ESR1: variants seen among roughly 807,000 people sequenced by gnomAD.
ESR1 encodes estrogen receptor 1.
Under a neutral mutation model 52.7 loss-of-function variants are expected in ESR1, and 12 were observed. The observed-to-expected ratio is 0.23, with a 90% CI of 0.15 to 0.37. ESR1 has a LOEUF of 0.37. Ranked by LOEUF, ESR1 falls within the 10% of genes least tolerant of loss-of-function variation. The pLI is 1.00. For synonymous variants in ESR1, 305 were observed against 316.8 expected (o/e 0.96, Z 0.39); for missense variants, 584 against 779.7 (o/e 0.75, Z 2.99).
chr6:151,908,002 T>C (rs1797704218), intron 3 of ESR1, among the ~76,000 whole-genome samples: 1 of 152,194 alleles, frequency 6.6e-6, no homozygotes, highest in African/African-American at 2.4e-5. Flanking sequence ...AATAAATGAA[T>C]GAATATGTGA....
intron 2 of ESR1, among the ~76,000 whole-genome samples, chr6:151,850,401 AGAGAGAGAGGGAGGAGAGAGAGGGAG>A (rs1179307921): frequency 6.7e-6 from 1 of 148,328 alleles, no homozygotes; most frequent in South Asian, 2.2e-4. Flanking sequence ...GAGAGAGAGA[AGAGAGAGAGGGAGGAGAGAGAGGGAG>A]GAGAGAGAGG....
chr6:151,938,776 G>A (rs2034679045), intron 3 of ESR1, among the ~76,000 whole-genome samples: 1 of 152,098 alleles, frequency 6.6e-6, no homozygotes, highest in South Asian at 2.1e-4. Flanking sequence ...TTTATACTGA[G>A]CCTTTCTAAA....
At chr6:152,125,467 C>G in exon 7 of ESR1, 1 of 1,313,086 alleles carries the variant, frequency 7.6e-7, no homozygotes, top group Middle Eastern at 1.9e-4. Context: ...GTCTCTCTGG[C>G]CTTCAGTTTT....
intron 2 of ESR1, among the ~76,000 whole-genome samples, chr6:151,755,018 T>C (rs1260734789): frequency 3.3e-5 from 5 of 151,788 alleles, no homozygotes; most frequent in Admixed American, 6.6e-5. Context: ...TCGAGACCAG[T>C]CTGGCCAATA....
chr6:152,106,424 G>C (rs575375872), downstream of ESR1, among the ~76,000 whole-genome samples: 72 of 152,240 alleles, frequency 4.7e-4, no homozygotes, highest in African/African-American at 1.7e-3. Context: ...AATTCATTTA[G>C]TATTTTTTGT....
intron 2 of ESR1, among the ~76,000 whole-genome samples, chr6:151,719,248 A>G (rs1781275860): frequency 6.6e-6 from 1 of 152,192 alleles, no homozygotes; most frequent in African/African-American, 2.4e-5. Context: ...CAGATGATTA[A>G]CAATAAACTT....
At chr6:151,658,055 T>C (rs1277832084) in intron 1 of ESR1, among the ~76,000 whole-genome samples, 2 of 152,232 alleles carry the variant, frequency 1.3e-5, no homozygotes, top group Non-Finnish European at 2.9e-5. Flanking sequence ...TTTTATGCTA[T>C]GCCTTACTCT....
At chr6:152,085,015 G>A (rs949866116) in intron 6 of ESR1, among the ~76,000 whole-genome samples, 29 of 152,184 alleles carry the variant, frequency 1.9e-4, no homozygotes, top group Non-Finnish European at 4.1e-4. Context: ...CAGAGCATTG[G>A]CAGGCAGAGT....
chr6:151,921,989 C>A lies in ESR1; in HGVS notation c.761-22184C>A, dbSNP rs117334364. 8.0e-3 allele frequency among the ~76,000 whole-genome samples: 1,221 copies of A among 152,108 alleles called. 6 individuals carry two copies. Among genetic ancestry groups the A allele is most frequent in the Non-Finnish European group, 0.013 (856 of 67,958 alleles). ...GGCTTTTTTTTGCAATTGCTTTTGG[C>A]AGTTTTGTCATGAAATCTTTGCCTG... is the stretch of plus-strand genomic sequence containing the variant. On this transcript the variant is annotated intron_variant, in intron 3 of 7. Transcript: ENST00000206249.
At chr6:151,738,811 AG>A (rs1407480355) in intron 2 of ESR1, among the ~76,000 whole-genome samples, 2 of 152,198 alleles carry the variant, frequency 1.3e-5, no homozygotes, top group Admixed American at 6.5e-5. Flanking sequence ...TAGTCAAAGT[AG>A]GCTTAATTTT....
chr6:151,947,091 G>T (rs1390969977), intron 4 of ESR1, among the ~76,000 whole-genome samples: 1 of 152,186 alleles, frequency 6.6e-6, no homozygotes, highest in Non-Finnish European at 1.5e-5. Context: ...GCCGAGGCGG[G>T]TGGATCACCT....
chr6:151,843,085 A>T (rs1784547250), intron 2 of ESR1, among the ~76,000 whole-genome samples: 1 of 152,194 alleles, frequency 6.6e-6, no homozygotes, highest in South Asian at 2.1e-4. Context: ...GGAAAAAAGA[A>T]ATGTTGTCTG....
chr6:152,048,347 G>A (rs1344335644), intron 5 of ESR1, among the ~76,000 whole-genome samples: 1 of 136,298 alleles, frequency 7.3e-6, no homozygotes, highest in East Asian at 2.2e-4. Context: ...TGGAGACAAA[G>A]TGTGACACCA....
intron 4 of ESR1, among the ~76,000 whole-genome samples, chr6:151,974,004 A>G (rs117014788): frequency 0.014 from 2,087 of 152,298 alleles, 19 homozygotes; most frequent in Non-Finnish European, 0.022. Flanking sequence ...ATTTGGTCTC[A>G]CAAAAGCAGC....
chr6:152,030,059 A>T (rs1210183675), intron 5 of ESR1, among the ~76,000 whole-genome samples: 1 of 152,218 alleles, frequency 6.6e-6, no homozygotes, highest in Non-Finnish European at 1.5e-5. Context: ...TAAGTGAAGG[A>T]GAAATAAAAT....
At chr6:152,014,217 A>G (rs2042992998) in intron 5 of ESR1, among the ~76,000 whole-genome samples, 1 of 152,164 alleles carries the variant, frequency 6.6e-6, no homozygotes, top group Non-Finnish European at 1.5e-5. Context: ...AGTCTCAGGT[A>G]GGTCTTTATT....
intron 3 of ESR1, among the ~76,000 whole-genome samples, chr6:151,920,780 T>C (rs1428519421): frequency 6.6e-6 from 1 of 152,184 alleles, no homozygotes; most frequent in African/African-American, 2.4e-5. Flanking sequence ...CAAGGGTACA[T>C]GCCATCAATA....
intron 4 of ESR1, among the ~76,000 whole-genome samples, chr6:151,966,190 A>C (rs915814073): frequency 6.6e-6 from 1 of 152,160 alleles, no homozygotes; most frequent in African/African-American, 2.4e-5. Context: ...TTTCCCCTTC[A>C]TGGCTTTGAA....
At chr6:151,818,188 G>T (rs924619542) in intron 1 of ESR1, among the ~76,000 whole-genome samples, 1 of 152,158 alleles carries the variant, frequency 6.6e-6, no homozygotes, top group African/African-American at 2.4e-5. Flanking sequence ...CATGGTGTCT[G>T]GTCCTCAGTC....
Sources: allele counts gnomAD v4.1 joint callset (sites outside exome capture counted in the v4.1 genomes callset), GRCh38; gene constraint gnomAD v4.1.1; transcripts MANE v1.5; gene names NCBI Gene and HGNC (gene_info 2026-07-23, HGNC 2026-07-21).